The following GRIK2 variants were observed in gnomAD, a reference collection of about 807,000 sequenced individuals.
The protein encoded by GRIK2 is glutamate receptor ionotropic, kainate 2.
A neutral mutation model predicts 100.3 loss-of-function variants in GRIK2; 32 were observed. The observed-to-expected ratio is 0.32, with a 90% CI of 0.24 to 0.43. The LOEUF (loss-of-function observed/expected upper bound fraction) is 0.43, where lower values mean the gene tolerates loss of function less well. Among genes scored for constraint, GRIK2 ranks in the 20% least tolerant of loss-of-function variants. GRIK2 has a pLI of 1.00. For missense variants in GRIK2, 843 were observed against 1,114.9 expected (o/e 0.76, Z 3.47); for synonymous variants, 417 against 389.4 (o/e 1.07, Z -0.83).
Position 101,736,730 on chromosome 6 carries a change from T to C in GRIK2, c.951+50377T>C, listed in dbSNP as rs147160116. On this transcript the variant is annotated intron_variant, in intron 7 of 16. Coordinates refer to ENST00000369134, the MANE Select transcript of GRIK2 (RefSeq NM_021956.5). ...TGCTGCAAAGACCTCTGACATGCCC[T>C]GGAAACATTTTCCCCATTGTCTTGG... 3.5e-3 allele frequency among the ~76,000 whole-genome samples: 531 copies of C among 152,324 alleles called. 3 individuals carry two copies. The highest frequency in any genetic ancestry group is 0.012 in the African/African-American group (502 of 41,586).
chr6:101,548,021 G>A, intron 2 of GRIK2, among the ~76,000 whole-genome samples: 1 of 151,932 alleles, frequency 6.6e-6, no homozygotes, highest in East Asian at 1.9e-4. Flanking sequence ...TCTAACTGGT[G>A]TGAGATGGTA....
chr6:101,490,630 A>G (rs1773056610), intron 2 of GRIK2, among the ~76,000 whole-genome samples: 1 of 146,786 alleles, frequency 6.8e-6, no homozygotes, highest in Non-Finnish European at 1.5e-5. Context: ...CGTAAGATAA[A>G]TGTTGATAAA....
At chr6:101,519,081 G>T (rs1008096845) in intron 2 of GRIK2, among the ~76,000 whole-genome samples, 2 of 152,066 alleles carry the variant, frequency 1.3e-5, no homozygotes, top group African/African-American at 4.8e-5. Flanking sequence ...GATTTTAATG[G>T]CTAAGCCTTG....
rs533184706 is a variant in GRIK2, at chr6:101,729,828, G to A, written c.951+43475G>A. ...TAGATTTGTCTAACAATATTTGTTC[G>A]GAAATAGAACATTTGGACTTTTTAA... is the stretch of plus-strand genomic sequence containing the variant. On this transcript the variant is annotated intron_variant, in intron 7 of 16. Transcript: ENST00000369134. Among the ~76,000 whole-genome samples the A allele has an allele frequency of 1.6e-4, 25 of 151,834 alleles. No individual in the cohort carries two copies. In the South Asian group the frequency reaches 2.1e-3, roughly 13 times the overall value.
At chr6:101,788,712 T>C (rs1779610387) in intron 7 of GRIK2, among the ~76,000 whole-genome samples, 1 of 152,314 alleles carries the variant, frequency 6.6e-6, no homozygotes, top group Non-Finnish European at 1.5e-5. Context: ...TTATAGTCCT[T>C]TGGGCATATA....
intron 2 of GRIK2, among the ~76,000 whole-genome samples, chr6:101,423,091 C>T (rs1451507132): frequency 6.6e-6 from 1 of 152,166 alleles, no homozygotes; most frequent in Admixed American, 6.5e-5. Context: ...TAACAATGAC[C>T]AATATAGAGA....
chr6:101,988,116 TGTGTGTGTGTGTGTGTGC>T (rs1454470057), intron 14 of GRIK2, among the ~76,000 whole-genome samples: 10 of 45,252 alleles, frequency 2.2e-4, no homozygotes, highest in African/African-American at 2.8e-4. Context: ...TGTGTGTGTG[TGTGTGTGTGTGTGTGTGC>T]GCGCGCGCGC....
intron 2 of GRIK2, among the ~76,000 whole-genome samples, chr6:101,552,624 A>G (rs1228572589): frequency 6.6e-6 from 1 of 152,148 alleles, no homozygotes; most frequent in Non-Finnish European, 1.5e-5. Flanking sequence ...CAGTGTGTGC[A>G]TTTAGCTTTG....
chr6:101,866,702 A>G (rs1246522788), intron 11 of GRIK2, among the ~76,000 whole-genome samples: 1 of 152,168 alleles, frequency 6.6e-6, no homozygotes, highest in Non-Finnish European at 1.5e-5. Flanking sequence ...GGGGACAAAT[A>G]GAATCAAATT....
chr6:101,596,641 A>G (rs1049755986), intron 2 of GRIK2, among the ~76,000 whole-genome samples: 1 of 151,672 alleles, frequency 6.6e-6, no homozygotes, highest in African/African-American at 2.4e-5. Flanking sequence ...GTAGCACCTC[A>G]TTTACTTTTG....
intron 7 of GRIK2, among the ~76,000 whole-genome samples, chr6:101,732,776 A>G (rs1314329405): frequency 6.6e-6 from 1 of 151,978 alleles, no homozygotes; most frequent in Non-Finnish European, 1.5e-5. Context: ...TCCTTTACTG[A>G]AGTCCACCAG....
intron 1 of GRIK2, among the ~76,000 whole-genome samples, chr6:101,394,792 A>G (rs1774940371): frequency 6.6e-6 from 1 of 152,244 alleles, no homozygotes; most frequent in Non-Finnish European, 1.5e-5. Context: ...CAGCCTATCA[A>G]CTTCCAGTGG....
At chr6:101,421,367 C>T (rs1025903847) in intron 2 of GRIK2, among the ~76,000 whole-genome samples, 58 of 152,174 alleles carry the variant, frequency 3.8e-4, no homozygotes, top group African/African-American at 1.2e-3. Flanking sequence ...AGGGTTTACT[C>T]GCACGGAAGA....
At chr6:101,411,818 A>G (rs1775895781) in intron 2 of GRIK2, among the ~76,000 whole-genome samples, 1 of 152,110 alleles carries the variant, frequency 6.6e-6, no homozygotes, top group South Asian at 2.1e-4. Flanking sequence ...CCCATAGCCC[A>G]AAGGGATCTT....
chr6:101,715,621 T>A (rs1448866639), intron 7 of GRIK2, among the ~76,000 whole-genome samples: 1 of 151,704 alleles, frequency 6.6e-6, no homozygotes, highest in African/African-American at 2.4e-5. Flanking sequence ...CCCATAAATG[T>A]TCTAGGTATG....
intron 2 of GRIK2, among the ~76,000 whole-genome samples, chr6:101,456,841 A>T (rs958343666): frequency 1.4e-4 from 22 of 152,056 alleles, no homozygotes; most frequent in African/African-American, 5.3e-4. Flanking sequence ...GACTTATTTT[A>T]GTTAGGCAAG....
intron 4 of GRIK2, among the ~76,000 whole-genome samples, chr6:101,649,935 A>G (rs1463978544): frequency 6.6e-6 from 1 of 152,092 alleles, no homozygotes; most frequent in East Asian, 1.9e-4. Flanking sequence ...GGAGATCAGT[A>G]AAAGCCAGAT....
At chr6:102,010,839 T>C (rs1252214893) in intron 14 of GRIK2, among the ~76,000 whole-genome samples, 1 of 152,160 alleles carries the variant, frequency 6.6e-6, no homozygotes, top group Non-Finnish European at 1.5e-5. Flanking sequence ...TTTTCTTTCA[T>C]GTGTTTTCTT....
intron 2 of GRIK2, among the ~76,000 whole-genome samples, chr6:101,427,063 A>G (rs1033756171): frequency 2.0e-5 from 3 of 152,144 alleles, no homozygotes; most frequent in Non-Finnish European, 4.4e-5. Flanking sequence ...TAATTGTGAG[A>G]GGCCCCATGA....
Sources: allele counts gnomAD v4.1 joint callset (sites outside exome capture counted in the v4.1 genomes callset), GRCh38; gene constraint gnomAD v4.1.1; transcripts MANE v1.5; gene names NCBI Gene and HGNC (gene_info 2026-07-23, HGNC 2026-07-21).